The following NDUFAF2 variants were observed in gnomAD, a reference collection of about 807,000 sequenced individuals.
The protein encoded by NDUFAF2 is NADH:ubiquinone oxidoreductase complex assembly factor 2.
In NDUFAF2, 13 loss-of-function variants were observed where a neutral mutation model predicts 22.8. The observed-to-expected ratio is 0.57, with a 90% CI of 0.37 to 0.91. The LOEUF (loss-of-function observed/expected upper bound fraction) is 0.91, where lower values mean the gene tolerates loss of function less well. Among genes scored for constraint, NDUFAF2 ranks in the 40% least tolerant of loss-of-function variants. The probability of loss-of-function intolerance (pLI) is 0.01; values close to 1 mark genes in which losing one functional copy is unlikely to be tolerated. For synonymous variants in NDUFAF2, 53 were observed against 64.2 expected (o/e 0.83, Z 0.84); for missense variants, 162 against 195.2 (o/e 0.83, Z 1.01).
chr5:61,115,716 T>A (rs1215861830), intron 3 of NDUFAF2: 2 of 152,088 alleles, frequency 1.3e-5, no homozygotes, highest in African/African-American at 4.8e-5. Flanking sequence ...GACAGCTAAA[T>A]GTAACATGTT....
At chr5:60,960,696 A>G (rs548553809) in intron 1 of NDUFAF2, among the ~76,000 whole-genome samples, 1 of 152,216 alleles carries the variant, frequency 6.6e-6, no homozygotes, top group Non-Finnish European at 1.5e-5. Context: ...ATAAATTTCC[A>G]TTCTTATAAA....
intron 3 of NDUFAF2, among the ~76,000 whole-genome samples, chr5:61,101,194 T>C (rs892363869): frequency 1.6e-4 from 24 of 152,132 alleles, no homozygotes; most frequent in Non-Finnish European, 2.9e-5. Flanking sequence ...CTTATTTAGT[T>C]ATTAAGCTGT....
intron 3 of NDUFAF2, among the ~76,000 whole-genome samples, chr5:61,113,674 C>T (rs1752873521): frequency 6.6e-6 from 1 of 152,178 alleles, no homozygotes; most frequent in Non-Finnish European, 1.5e-5. Flanking sequence ...TTTGCTTCCC[C>T]TTCCGGCATG....
chr5:61,005,370 C>T (rs959673531), intron 1 of NDUFAF2, among the ~76,000 whole-genome samples: 1 of 152,172 alleles, frequency 6.6e-6, no homozygotes. Context: ...CAAGTCTTTG[C>T]TATTGTGAAT....
chr5:61,025,486 G>A (rs551057222), intron 1 of NDUFAF2, among the ~76,000 whole-genome samples: 88 of 152,062 alleles, frequency 5.8e-4, no homozygotes, highest in African/African-American at 2.0e-3. Flanking sequence ...TGCTTATTTA[G>A]TTGTGAAAGA....
At chr5:61,042,553 C>T (rs1751897510) in intron 1 of NDUFAF2, among the ~76,000 whole-genome samples, 1 of 152,016 alleles carries the variant, frequency 6.6e-6, no homozygotes, top group South Asian at 2.1e-4. Context: ...TGTGTGTGTG[C>T]ATGGGTGGGA....
intron 1 of NDUFAF2, among the ~76,000 whole-genome samples, chr5:61,035,422 C>CTTTTTTTTT (rs1177405606): frequency 3.2e-5 from 2 of 62,556 alleles, no homozygotes; most frequent in African/African-American, 1.7e-4. Context: ...CTCTCTTGCT[C>CTTTTTTTTT]TGTTTTTTTT....
chr5:61,059,037 GT>G (rs1752132659), intron 1 of NDUFAF2, among the ~76,000 whole-genome samples: 1 of 151,944 alleles, frequency 6.6e-6, no homozygotes, highest in Admixed American at 6.6e-5. Context: ...ATATTCAAGT[GT>G]TATTTCTTTG....
chr5:61,125,955 G>A (rs1753031080), intron 3 of NDUFAF2, among the ~76,000 whole-genome samples: 1 of 151,918 alleles, frequency 6.6e-6, no homozygotes. Context: ...CAATCATATT[G>A]TTAGCATAGA....
At chr5:61,141,647 G>C (rs1741060318) in intron 3 of NDUFAF2, among the ~76,000 whole-genome samples, 1 of 148,702 alleles carries the variant, frequency 6.7e-6, no homozygotes, top group Non-Finnish European at 1.5e-5. Flanking sequence ...TTAAATTGTA[G>C]GTGCTCAGTA....
At chr5:61,051,844 C>G (rs536237595) in intron 1 of NDUFAF2, among the ~76,000 whole-genome samples, 22 of 152,216 alleles carry the variant, frequency 1.4e-4, no homozygotes, top group African/African-American at 5.1e-4. Flanking sequence ...ATATGAGGCA[C>G]TAATATAAAC....
intron 1 of NDUFAF2, among the ~76,000 whole-genome samples, chr5:60,995,922 G>A (rs745733915): frequency 7.2e-5 from 11 of 152,082 alleles, no homozygotes; most frequent in South Asian, 4.1e-4. Context: ...AAAGGCCACC[G>A]CCACCCCAGG....
chr5:61,002,924 G>T (rs1751316367), intron 1 of NDUFAF2, among the ~76,000 whole-genome samples: 1 of 152,106 alleles, frequency 6.6e-6, no homozygotes, highest in Non-Finnish European at 1.5e-5. Context: ...TCCCTCTTCA[G>T]ATTCTCTTGA....
chr5:61,077,366 AG>A (rs934067434), intron 2 of NDUFAF2, among the ~76,000 whole-genome samples: 1 of 152,242 alleles, frequency 6.6e-6, no homozygotes, highest in Non-Finnish European at 1.5e-5. Context: ...CCAAATATCA[AG>A]GAGGAAGAAG....
chr5:61,055,659 G>A (rs1561552701), intron 1 of NDUFAF2, among the ~76,000 whole-genome samples: 1 of 152,142 alleles, frequency 6.6e-6, no homozygotes, highest in East Asian at 1.9e-4. Flanking sequence ...AAGCAAAGGG[G>A]GAAGATGTGG....
chr5:61,000,893 G>A (rs908316426), intron 1 of NDUFAF2, among the ~76,000 whole-genome samples: 1 of 152,130 alleles, frequency 6.6e-6, no homozygotes, highest in Non-Finnish European at 1.5e-5. Flanking sequence ...AATAGAGAAT[G>A]GGTATATGCC....
intron 1 of NDUFAF2, among the ~76,000 whole-genome samples, chr5:61,055,872 C>T (rs1041878399): frequency 6.6e-6 from 1 of 152,018 alleles, no homozygotes; most frequent in Non-Finnish European, 1.5e-5. Context: ...TTTCTTTGAG[C>T]TTTAGTTTCC....
At chr5:61,016,311 G>C (rs1005892959) in intron 1 of NDUFAF2, among the ~76,000 whole-genome samples, 5 of 152,146 alleles carry the variant, frequency 3.3e-5, no homozygotes, top group Non-Finnish European at 2.9e-5. Context: ...GCAGAGGAAG[G>C]GAGTGGTATG....
intron 1 of NDUFAF2, among the ~76,000 whole-genome samples, chr5:60,970,035 G>C (rs1750807537): frequency 6.6e-6 from 1 of 152,054 alleles, no homozygotes; most frequent in East Asian, 1.9e-4. Flanking sequence ...GTTCACTGTA[G>C]GTGTATGGAT....
Sources: gnomAD v4.1 joint callset for allele counts (sites outside exome capture counted in the v4.1 genomes callset) on GRCh38, gnomAD v4.1.1 for gene constraint, MANE v1.5 for transcripts, NCBI Gene and HGNC (gene_info 2026-07-23, HGNC 2026-07-21) for gene names.